EPHB1: variants seen among roughly 807,000 people sequenced by gnomAD.
EPHB1 encodes EPH receptor B1.
In EPHB1, 30 loss-of-function variants were observed where a neutral mutation model predicts 94.4. The observed-to-expected ratio is 0.32, with a 90% CI of 0.24 to 0.43. The LOEUF (loss-of-function observed/expected upper bound fraction) is 0.43, where lower values mean the gene tolerates loss of function less well. Among genes scored for constraint, EPHB1 ranks in the 20% least tolerant of loss-of-function variants. The probability of loss-of-function intolerance (pLI) is 1.00; values close to 1 mark genes in which losing one functional copy is unlikely to be tolerated. For synonymous variants in EPHB1, 522 were observed against 489.1 expected (o/e 1.07, Z -0.89); for missense variants, 1,055 against 1,308.3 (o/e 0.81, Z 2.99).
intron 12 of EPHB1, among the ~76,000 whole-genome samples, chr3:135,217,596 A>G (rs1943183026): frequency 6.6e-6 from 1 of 152,196 alleles, no homozygotes; most frequent in Non-Finnish European, 1.5e-5. Flanking sequence ...GCAATCACCC[A>G]GGGCTACCCA....
At chr3:135,073,141 A>T (rs1358912791) in intron 3 of EPHB1, among the ~76,000 whole-genome samples, 1 of 151,534 alleles carries the variant, frequency 6.6e-6, no homozygotes, top group African/African-American at 2.4e-5. Flanking sequence ...ATTTTTTTCT[A>T]GGGTTAATTC....
chr3:135,058,427 A>G (rs1486649658), intron 3 of EPHB1, among the ~76,000 whole-genome samples: 12 of 152,112 alleles, frequency 7.9e-5, no homozygotes, highest in Non-Finnish European at 1.8e-4. Context: ...CCAGGCCACA[A>G]TAGGGGCTGT....
intron 3 of EPHB1, among the ~76,000 whole-genome samples, chr3:135,014,813 C>T (rs772817045): frequency 2.6e-5 from 4 of 152,316 alleles, no homozygotes; most frequent in Admixed American, 2.0e-4. Context: ...CAGTGATGGC[C>T]CACCTGGAGC....
intron 3 of EPHB1, among the ~76,000 whole-genome samples, chr3:134,998,453 G>T (rs1935067232): frequency 6.6e-6 from 1 of 152,164 alleles, no homozygotes; most frequent in African/African-American, 2.4e-5. Flanking sequence ...TTTTCTTCAT[G>T]CAATCTCTGT....
At chr3:134,831,748 A>G (rs1451182458) in intron 1 of EPHB1, among the ~76,000 whole-genome samples, 3 of 152,152 alleles carry the variant, frequency 2.0e-5, no homozygotes, top group Non-Finnish European at 4.4e-5. Flanking sequence ...GTTTTATAAC[A>G]TTTATTGCCT....
intron 1 of EPHB1, among the ~76,000 whole-genome samples, chr3:134,805,591 G>A (rs897858125): frequency 1.3e-5 from 2 of 152,038 alleles, no homozygotes; most frequent in African/African-American, 4.8e-5. Context: ...AGGTACATGT[G>A]TACACACACA....
At chr3:135,181,493 A>T (rs1421331458) in intron 10 of EPHB1, among the ~76,000 whole-genome samples, 1 of 152,252 alleles carries the variant, frequency 6.6e-6, no homozygotes, top group South Asian at 2.1e-4. Context: ...AGATTTCTCC[A>T]GTAAACATCA....
At chr3:134,894,853 G>A (rs1437828911) in intron 1 of EPHB1, among the ~76,000 whole-genome samples, 1 of 152,140 alleles carries the variant, frequency 6.6e-6, no homozygotes. Context: ...TCCTTCTGTT[G>A]GTTTTATTCC....
At chr3:135,222,797 G>A (rs927614074) in intron 12 of EPHB1, among the ~76,000 whole-genome samples, 1 of 152,220 alleles carries the variant, frequency 6.6e-6, no homozygotes, top group African/African-American at 2.4e-5. Flanking sequence ...AAAATCCAGA[G>A]TTTAAGCTTG....
At chr3:135,128,538 G>A (rs1036822061) in intron 4 of EPHB1, among the ~76,000 whole-genome samples, 1 of 152,216 alleles carries the variant, frequency 6.6e-6, no homozygotes, top group South Asian at 2.1e-4. Flanking sequence ...TGAGGCCCTG[G>A]CTTGCCAGCC....
At chr3:134,981,715 A>C (rs1019665054) in intron 3 of EPHB1, among the ~76,000 whole-genome samples, 3 of 152,154 alleles carry the variant, frequency 2.0e-5, no homozygotes, top group Admixed American at 6.6e-5. Flanking sequence ...GTGAGTACCC[A>C]CCCTGTGCCC....
intron 1 of EPHB1, among the ~76,000 whole-genome samples, chr3:134,868,569 G>C (rs1372238884): frequency 1.3e-5 from 2 of 152,202 alleles, no homozygotes; most frequent in South Asian, 4.1e-4. Context: ...AGGCCATGGA[G>C]AAGCTGATCT....
At chr3:134,798,963 A>C (rs757060846) in intron 1 of EPHB1, among the ~76,000 whole-genome samples, 84 of 152,362 alleles carry the variant, frequency 5.5e-4, no homozygotes, top group Non-Finnish European at 9.4e-4. Flanking sequence ...GAATACTCCC[A>C]GGAGACCTGC....
At chr3:134,940,499 C>T (rs542814351) in intron 2 of EPHB1, among the ~76,000 whole-genome samples, 2 of 152,328 alleles carry the variant, frequency 1.3e-5, no homozygotes, top group African/African-American at 4.8e-5. Context: ...CAGTGTTTCT[C>T]TTGCTGTTTA....
At chr3:135,234,301 A>T (rs548448687) in intron 12 of EPHB1, among the ~76,000 whole-genome samples, 1 of 152,252 alleles carries the variant, frequency 6.6e-6, no homozygotes, top group South Asian at 2.1e-4. Context: ...AGCAAAAGTC[A>T]CCTTTGCTCT....
At chr3:134,878,047 GAT>G (rs950364702) in intron 1 of EPHB1, among the ~76,000 whole-genome samples, 1 of 152,216 alleles carries the variant, frequency 6.6e-6, no homozygotes, top group African/African-American at 2.4e-5. Flanking sequence ...TCTGCATGGA[GAT>G]TACCCCAGCC....
chr3:135,084,197 A>T (rs933418265), intron 3 of EPHB1, among the ~76,000 whole-genome samples: 1 of 152,174 alleles, frequency 6.6e-6, no homozygotes, highest in Non-Finnish European at 1.5e-5. Context: ...ATTTATCTTC[A>T]TTATGGTTGG....
At chr3:134,804,349 A>C (rs1367326591) in intron 1 of EPHB1, among the ~76,000 whole-genome samples, 1 of 152,032 alleles carries the variant, frequency 6.6e-6, no homozygotes, top group African/African-American at 2.4e-5. Flanking sequence ...CCAGAATAGC[A>C]CGGGGAAAGA....
intron 15 of EPHB1, among the ~76,000 whole-genome samples, chr3:135,251,669 T>G (rs935193406): frequency 1.3e-5 from 2 of 152,188 alleles, no homozygotes; most frequent in African/African-American, 4.8e-5. Context: ...CCTAAAGTAT[T>G]TGCCAAAAAG....
Sources: allele counts gnomAD v4.1 joint callset (sites outside exome capture counted in the v4.1 genomes callset), GRCh38; gene constraint gnomAD v4.1.1; transcripts MANE v1.5; gene names NCBI Gene and HGNC (gene_info 2026-07-23, HGNC 2026-07-21).